The following OXR1 variants were observed in gnomAD, a reference collection of about 807,000 sequenced individuals.
OXR1 encodes the protein oxidation resistance 1.
In OXR1, 41 loss-of-function variants were observed where a neutral mutation model predicts 104.6. The ratio of observed to expected loss-of-function variants is 0.39; its 90% CI spans 0.31 to 0.51. OXR1 has a LOEUF of 0.51. Ranked by LOEUF, OXR1 falls within the 20% of genes least tolerant of loss-of-function variation. The probability of loss-of-function intolerance (pLI) is 0.77; values close to 1 mark genes in which losing one functional copy is unlikely to be tolerated. For missense variants in OXR1, 955 were observed against 1,031.9 expected, an observed-to-expected ratio of 0.93 and a Z score of 1.02; for synonymous variants, 348 against 348.4, an observed-to-expected ratio of 1.00 and a Z score of 0.01.
chr8:106,650,229 T>C (rs1824449524), intron 3 of OXR1, among the ~76,000 whole-genome samples: 1 of 152,200 alleles, frequency 6.6e-6, no homozygotes, highest in Non-Finnish European at 1.5e-5. Flanking sequence ...TATTAAATCT[T>C]CCCGACATCT....
intron 7 of OXR1, chr8:106,697,384 A>T: frequency 7.9e-7 from 1 of 1,263,896 alleles, no homozygotes; most frequent in Non-Finnish European, 1.1e-6. Context: ...CATGTATATT[A>T]ACCACTCGTG....
At chr8:106,387,583 T>C (rs1817427332) in intron 2 of OXR1, among the ~76,000 whole-genome samples, 1 of 152,172 alleles carries the variant, frequency 6.6e-6, no homozygotes, top group African/African-American at 2.4e-5. Flanking sequence ...AATACTTACC[T>C]TTTAATGGAA....
At chr8:106,720,687 C>T in intron 11 of OXR1, 1 of 966,814 alleles carries the variant, frequency 1.0e-6, no homozygotes, top group Non-Finnish European at 1.2e-6. Context: ...GGACTTCCAT[C>T]ATGTTGTGTA....
chr8:106,711,373 A>G (rs2126580), intron 10 of OXR1, among the ~76,000 whole-genome samples: 21,123 of 152,108 alleles, frequency 0.14, 1,780 homozygotes, highest in East Asian at 0.36. Flanking sequence ...ACTATTATTC[A>G]CTTAAAATTA....
intron 3 of OXR1, among the ~76,000 whole-genome samples, chr8:106,661,355 A>C (rs1825747199): frequency 6.6e-6 from 1 of 152,208 alleles, no homozygotes; most frequent in Non-Finnish European, 1.5e-5. Flanking sequence ...TAGCCCTCTC[A>C]GGAAAACCAT....
chr8:106,490,857 T>C (rs1811037664), intron 2 of OXR1, among the ~76,000 whole-genome samples: 1 of 152,080 alleles, frequency 6.6e-6, no homozygotes, highest in Non-Finnish European at 1.5e-5. Context: ...TTAGCGTGTG[T>C]GGAGGGGGGA....
At chr8:106,520,525 C>T (rs993844457) in intron 3 of OXR1, 6 of 152,170 alleles carry the variant, frequency 3.9e-5, no homozygotes, top group Non-Finnish European at 5.9e-5. Context: ...TATATTCATT[C>T]TCAGGCTTCC....
At chr8:106,344,167 CT>C (rs1298508746) in intron 1 of OXR1, among the ~76,000 whole-genome samples, 2 of 152,126 alleles carry the variant, frequency 1.3e-5, no homozygotes, top group African/African-American at 4.8e-5. Context: ...GTGGGGTTCC[CT>C]GGTTTTAGGA....
chr8:106,727,236 ATTT>A (rs67873896), intron 11 of OXR1, among the ~76,000 whole-genome samples: 1 of 151,628 alleles, frequency 6.6e-6, no homozygotes, highest in Non-Finnish European at 1.5e-5. Context: ...CTATTCATAC[ATTT>A]TTTTTATTTG....
At chr8:106,525,200 C>G (rs1586758649) in intron 3 of OXR1, among the ~76,000 whole-genome samples, 1 of 152,180 alleles carries the variant, frequency 6.6e-6, no homozygotes, top group African/African-American at 2.4e-5. Flanking sequence ...AGTTGGAGGA[C>G]GAGCTTAACA....
At chr8:106,548,728 G>A (rs1435153861) in intron 3 of OXR1, among the ~76,000 whole-genome samples, 2 of 152,184 alleles carry the variant, frequency 1.3e-5, no homozygotes, top group African/African-American at 4.8e-5. Context: ...TACATATAAA[G>A]GAGTGCTCAG....
At chr8:106,718,776 G>A (rs995386653) in intron 11 of OXR1, among the ~76,000 whole-genome samples, 3 of 150,922 alleles carry the variant, frequency 2.0e-5, no homozygotes, top group East Asian at 2.0e-4. Context: ...GAGGTGGAGC[G>A]TGCAGTGAGC....
At chr8:106,545,623 G>C (rs1815295316) in intron 3 of OXR1, among the ~76,000 whole-genome samples, 1 of 152,186 alleles carries the variant, frequency 6.6e-6, no homozygotes, top group Non-Finnish European at 1.5e-5. Flanking sequence ...AAGTATATCT[G>C]ACTAGACAAG....
At chr8:106,567,109 T>C (rs956905423) in intron 3 of OXR1, among the ~76,000 whole-genome samples, 5 of 152,064 alleles carry the variant, frequency 3.3e-5, no homozygotes, top group Non-Finnish European at 5.9e-5. Context: ...TAATTTAAAG[T>C]ATAATAAAAA....
At chr8:106,668,684 G>A (rs1419692097) in intron 3 of OXR1, among the ~76,000 whole-genome samples, 2 of 152,108 alleles carry the variant, frequency 1.3e-5, no homozygotes, top group Non-Finnish European at 2.9e-5. Context: ...CAACAGGAAG[G>A]AATACAGGCT....
chr8:106,669,566 T>A (rs1397473702), intron 3 of OXR1, among the ~76,000 whole-genome samples: 1 of 152,188 alleles, frequency 6.6e-6, no homozygotes, highest in Non-Finnish European at 1.5e-5. Flanking sequence ...CTGTTTTTTT[T>A]TTAGTTTAGA....
intron 2 of OXR1, among the ~76,000 whole-genome samples, chr8:106,408,989 C>G (rs1277637586): frequency 6.6e-6 from 1 of 152,132 alleles, no homozygotes; most frequent in East Asian, 1.9e-4. Context: ...AGTAAACAAG[C>G]CTGTTTAAGA....
intron 2 of OXR1, among the ~76,000 whole-genome samples, chr8:106,395,892 T>C (rs1331447282): frequency 6.6e-6 from 1 of 151,798 alleles, no homozygotes; most frequent in Non-Finnish European, 1.5e-5. Context: ...TCTTCTAGTG[T>C]CAAAAAATGA....
intron 3 of OXR1, among the ~76,000 whole-genome samples, chr8:106,632,099 A>G (rs1822735623): frequency 6.6e-6 from 1 of 152,220 alleles, no homozygotes; most frequent in Non-Finnish European, 1.5e-5. Flanking sequence ...GAAGACAGAA[A>G]GTTTTCTAGA....
Sources: gnomAD v4.1 joint callset for allele counts (sites outside exome capture counted in the v4.1 genomes callset) on GRCh38, gnomAD v4.1.1 for gene constraint, MANE v1.5 for transcripts, NCBI Gene and HGNC (gene_info 2026-07-23, HGNC 2026-07-21) for gene names.